The following SMARCA2 variants were observed in gnomAD, a reference collection of about 807,000 sequenced individuals.
SMARCA2 encodes SWI/SNF-related matrix-associated actin-dependent regulator of chromatin subfamily A member 2.
A neutral mutation model predicts 199.8 loss-of-function variants in SMARCA2; 61 were observed. The observed-to-expected ratio is 0.31, with a 90% CI of 0.25 to 0.38. The LOEUF (loss-of-function observed/expected upper bound fraction) is 0.38. Among genes scored for constraint, SMARCA2 ranks in the 10% least tolerant of loss-of-function variants. The probability of loss-of-function intolerance (pLI) is 1.00; values close to 1 mark genes in which losing one functional copy is unlikely to be tolerated. For synonymous variants in SMARCA2, 935 were observed against 732.0 expected (o/e 1.28, Z -4.48); for missense variants, 1,344 against 2,012.2 (o/e 0.67, Z 6.35).
chr9:2,182,497 T>C (rs866971164), intron 31 of SMARCA2, among the ~76,000 whole-genome samples: 90 of 114,584 alleles, frequency 7.9e-4, no homozygotes, highest in African/African-American at 2.0e-3. Context: ...TTTTTTTTTT[T>C]TTTTTTTTCC....
intron 31 of SMARCA2, among the ~76,000 whole-genome samples, chr9:2,183,360 C>CAGTCAACAATTCTAAGAGTATATA (rs1827196154): frequency 1.3e-5 from 2 of 152,194 alleles, no homozygotes; most frequent in Non-Finnish European, 2.9e-5. Flanking sequence ...CCCTTCTCCA[C>CAGTCAACAATTCTAAGAGTATATA]AGTCAACAAT....
chr9:2,033,689 AG>A (rs1819173442), intron 3 of SMARCA2, among the ~76,000 whole-genome samples: 1 of 152,224 alleles, frequency 6.6e-6, no homozygotes, highest in African/African-American at 2.4e-5. Flanking sequence ...CTGAAATCAA[AG>A]CATCAGCAGG....
rs1033536996 is a variant in SMARCA2 at position 2,073,404 on chromosome 9, A to T, written c.1877+62A>T. 2.5e-6 allele frequency: 4 copies of T among 1,599,596 alleles called. No homozygotes were observed. The Admixed American group carries it at 6.8e-5, about 27-fold the overall frequency. ...GCTTTTTAGATTTTGGTAATCTTGT[A>T]CGATCTCGAAACTAAAACTACACAG... On this transcript the variant is annotated intron_variant, in intron 11 of 33. Coordinates refer to ENST00000349721, the MANE Select transcript of SMARCA2 (RefSeq NM_003070.5).
rs776142117 is a variant in SMARCA2, at chr9:2,110,424, A to G, written c.3456+7A>G. 2 of 1,588,390 alleles carry G rather than the reference A, an allele frequency of 1.3e-6. No individual in the cohort carries two copies. The highest frequency in any genetic ancestry group is 2.3e-5 in the South Asian group (2 of 86,420). On this transcript the variant is annotated splice_region_variant and intron_variant, in intron 24 of 33. Coordinates refer to ENST00000349721, the MANE Select transcript of SMARCA2 (RefSeq NM_003070.5). This position sits in a 1 kb window ranked among gnomAD's most constrained non-coding sequence, Gnocchi z 4.8. ...CGACTGGAATCCTCATCAGGTCTGCATGTCCCACTCAGGTGCCCAGGCCTC... is the reference window on the plus strand; with the variant it reads ...CGACTGGAATCCTCATCAGGTCTGCGTGTCCCACTCAGGTGCCCAGGCCTC...
chr9:2,183,871 C>A (rs946652449), intron 31 of SMARCA2, among the ~76,000 whole-genome samples: 2 of 152,146 alleles, frequency 1.3e-5, no homozygotes, highest in Non-Finnish European at 2.9e-5. Flanking sequence ...TATTTGGATT[C>A]TTTATGTCAA....
At chr9:2,160,110 G>C in intron 27 of SMARCA2, 1 of 629,730 alleles carries the variant, frequency 1.6e-6, no homozygotes. Context: ...AGATATGCGG[G>C]ACAATTTCCT....
At chr9:2,060,655 C>T (rs1191326530) in intron 8 of SMARCA2, among the ~76,000 whole-genome samples, 161 bp from the exon 9 acceptor site, 3 of 152,148 alleles carry the variant, frequency 2.0e-5, no homozygotes, top group Non-Finnish European at 1.5e-5. Context: ...GTGTGTTTGT[C>T]CCACTTCAGA....
In SMARCA2 at chr9:2,161,818, C is replaced by T. The variant is rs1825695199; in HGVS notation, c.4114C>T (p.Pro1372Ser). Reference sequence around the variant, plus strand: ...AGCTAAGAAGAGAAGAGGCCGCCCTCCCGCTGAGAAACTGTCACCAAATCC... The same window carrying T: ...AGCTAAGAAGAGAAGAGGCCGCCCTTCCGCTGAGAAACTGTCACCAAATCC... Reference protein sequence around the residue: ...EKAKKRRGRPPAEKLSPNPPK... With the variant: ...EKAKKRRGRPSAEKLSPNPPK... Residue 1372 changes from proline to serine, a missense_variant, in exon 28 of 34, where the codon CCC becomes TCC. Transcript: ENST00000349721. This position sits in a 1 kb window ranked among gnomAD's most constrained non-coding sequence, Gnocchi z 4.7. 3 of 1,613,970 alleles carry T rather than the reference C, an allele frequency of 1.9e-6. No homozygotes were observed. Among genetic ancestry groups the T allele is most frequent in the Non-Finnish European group, 1.7e-6 (2 of 1,179,978 alleles).
chr9:2,021,671 C>A (rs925499692), intron 1 of SMARCA2, among the ~76,000 whole-genome samples: 2 of 152,080 alleles, frequency 1.3e-5, no homozygotes, highest in South Asian at 2.1e-4. Flanking sequence ...TACTAAAAGA[C>A]CATTAAGCAG....
At chr9:2,055,797 A>G (rs1820327294) in intron 6 of SMARCA2, 1 of 152,238 alleles carries the variant, frequency 6.6e-6, no homozygotes, top group African/African-American at 2.4e-5. Context: ...ACCTCATAAG[A>G]TGAATTAATA....
intron 31 of SMARCA2, 32 bp from the exon 32 acceptor site, chr9:2,186,064 C>T: frequency 6.2e-7 from 1 of 1,604,760 alleles, no homozygotes. Flanking sequence ...ACTCAGCTTG[C>T]AGTTTTAACA....
intron 32 of SMARCA2, 23 bp from the exon 33 acceptor site, chr9:2,191,243 T>TATTTC: frequency 1.2e-6 from 2 of 1,612,082 alleles, no homozygotes; most frequent in Non-Finnish European, 1.7e-6. Context: ...CACTGGTGTC[T>TATTTC]ATTTCATTTG....
Position 2,161,218 on chromosome 9 carries a change from A to T in SMARCA2, c.3982-468A>T, listed in dbSNP as rs1413804952. On this transcript the variant is annotated intron_variant, in intron 27 of 33. Coordinates refer to ENST00000349721, the MANE Select transcript of SMARCA2 (RefSeq NM_003070.5). The surrounding 1 kb of genome is among the most constrained non-coding windows in gnomAD (Gnocchi z 4.7). Reference sequence around the variant, plus strand: ...TGTTAATCATGAATAAATTGATGCAAAACCTGAAGAAAAGGTCAAAGCTTA... The same window carrying T: ...TGTTAATCATGAATAAATTGATGCATAACCTGAAGAAAAGGTCAAAGCTTA... Among the ~76,000 whole-genome samples the T allele has an allele frequency of 4.6e-5, 7 of 152,214 alleles. No individual in the cohort carries two copies. The highest frequency in any genetic ancestry group is 8.8e-5 in the Non-Finnish European group (6 of 68,044).
At chr9:2,069,728 C>G (rs1019845996) in intron 9 of SMARCA2, among the ~76,000 whole-genome samples, 1 of 151,976 alleles carries the variant, frequency 6.6e-6, no homozygotes, top group Non-Finnish European at 1.5e-5. Flanking sequence ...GTTTTTATGC[C>G]CATGGAGTGG....
intron 29 of SMARCA2, among the ~76,000 whole-genome samples, chr9:2,180,850 G>T (rs1469424669): frequency 6.6e-6 from 1 of 152,156 alleles, no homozygotes; most frequent in Non-Finnish European, 1.5e-5. Context: ...GAATTTGGGG[G>T]AGGGTACAGC....
chr9:2,097,690 T>C (rs554034754), intron 21 of SMARCA2, among the ~76,000 whole-genome samples: 1 of 152,312 alleles, frequency 6.6e-6, no homozygotes, highest in East Asian at 1.9e-4. Context: ...GCATCTGGAA[T>C]TTTATAACCA....
intron 27 of SMARCA2, among the ~76,000 whole-genome samples, chr9:2,137,832 C>T (rs1297002796): frequency 6.6e-6 from 1 of 152,190 alleles, no homozygotes; most frequent in Non-Finnish European, 1.5e-5. Context: ...GATTTGGTTG[C>T]AGCCCCATAT....
chr9:2,028,909 A>AT, intron 1 of SMARCA2, 78 bp from the exon 2 acceptor site: 1 of 1,226,388 alleles, frequency 8.2e-7, no homozygotes, highest in Non-Finnish European at 1.1e-6. Context: ...TGGCACCATC[A>AT]AATGCTAACA....
At chr9:2,066,803 T>G (rs1480541194) in intron 9 of SMARCA2, among the ~76,000 whole-genome samples, 1 of 152,224 alleles carries the variant, frequency 6.6e-6, no homozygotes, top group Non-Finnish European at 1.5e-5. Flanking sequence ...CAGGAGACGC[T>G]GTAGCAGCTG....
Sources: gnomAD v4.1 joint callset for allele counts (sites outside exome capture counted in the v4.1 genomes callset) on GRCh38, gnomAD v4.1.1 for gene constraint, Gnocchi (gnomAD v3.1) non-coding constraint, MANE v1.5 for transcripts, NCBI Gene and HGNC (gene_info 2026-07-23, HGNC 2026-07-21) for gene names.